CYYR1: variants seen among roughly 807,000 people sequenced by gnomAD.
The protein encoded by CYYR1 is cysteine and tyrosine-rich protein 1.
In CYYR1, 14 loss-of-function variants were observed where a neutral mutation model predicts 15.2. That is an observed-to-expected ratio of 0.92 (90% CI 0.61 to 1.44). The LOEUF is 1.44. Among genes scored for constraint, CYYR1 ranks in the 40% most tolerant of loss-of-function variants. CYYR1 has a pLI of 0.00. For synonymous variants in CYYR1, 80 were observed against 77.4 expected (o/e 1.03, Z -0.18); for missense variants, 228 against 209.5 (o/e 1.09, Z -0.54).
chr21:26,528,108 A>T (rs2065888407), intron 2 of CYYR1, among the ~76,000 whole-genome samples: 1 of 152,264 alleles, frequency 6.6e-6, no homozygotes, highest in Non-Finnish European at 1.5e-5. Context: ...TTGACAGAAT[A>T]GAAATAAAAA....
chr21:26,468,205 A>G lies in CYYR1; in HGVS notation c.*296T>C. ...TGAAACTTTCTTCACCTAGCCCTTA[A>G]ACAACATGATTATCAGATATTTTGT... On this transcript the variant is annotated 3_prime_UTR_variant, in exon 4 of 4. Coordinates refer to ENST00000652641, the MANE Select transcript of CYYR1 (RefSeq NM_001320768.2). 1 of 379,404 alleles carries G rather than the reference A, an allele frequency of 2.6e-6. No homozygotes were observed. The highest frequency in any genetic ancestry group is 5.0e-6 in the Non-Finnish European group (1 of 200,458). 23.5% of individuals were successfully genotyped at this position (379,404 alleles called of 1,614,324 possible).
intron 2 of CYYR1, among the ~76,000 whole-genome samples, chr21:26,495,320 C>G (rs2065382804): frequency 6.6e-6 from 1 of 152,146 alleles, no homozygotes; most frequent in South Asian, 2.1e-4. Context: ...TGAGTGCTAG[C>G]AGCAAGCTTG....
At chr21:26,486,677 T>C (rs2065252563) in intron 2 of CYYR1, among the ~76,000 whole-genome samples, 1 of 152,054 alleles carries the variant, frequency 6.6e-6, no homozygotes. Flanking sequence ...AATGTATCTA[T>C]GGTGGCTGAA....
chr21:26,520,137 T>TATATATATATATATATATACATAC (rs1320265726), intron 2 of CYYR1, among the ~76,000 whole-genome samples: 1 of 129,756 alleles, frequency 7.7e-6, no homozygotes, highest in African/African-American at 2.9e-5. Flanking sequence ...TATATATATA[T>TATATATATATATATATATACATAC]ATATGCAGAA....
chr21:26,526,179 G>A (rs1449814544), intron 2 of CYYR1, among the ~76,000 whole-genome samples: 1 of 152,166 alleles, frequency 6.6e-6, no homozygotes, highest in Non-Finnish European at 1.5e-5. Flanking sequence ...CTGGAGTGGT[G>A]TCTCATGCCT....
chr21:26,551,299 A>G (rs886826307), intron 2 of CYYR1: 1 of 152,652 alleles, frequency 6.6e-6, no homozygotes, highest in African/African-American at 2.4e-5. Context: ...CATGCCTGCT[A>G]ACACAACACC....
chr21:26,479,517 A>G (rs1601729598), intron 3 of CYYR1, among the ~76,000 whole-genome samples: 4 of 152,312 alleles, frequency 2.6e-5, no homozygotes, highest in African/African-American at 7.2e-5. Context: ...AGATTGACTT[A>G]GAAAGCATTA....
At chr21:26,561,949 C>T (rs559218149) in intron 2 of CYYR1, among the ~76,000 whole-genome samples, 6 of 152,268 alleles carry the variant, frequency 3.9e-5, no homozygotes, top group African/African-American at 1.2e-4. Flanking sequence ...CTACCAACTC[C>T]GAAGAGGACT....
chr21:26,484,891 G>T (rs1361312700), intron 2 of CYYR1, among the ~76,000 whole-genome samples: 1 of 151,882 alleles, frequency 6.6e-6, no homozygotes, highest in Non-Finnish European at 1.5e-5. Flanking sequence ...TAGTTTTTTT[G>T]ATTAAATCAT....
chr21:26,542,282 TGTGTGTGC>T (rs1293977821), intron 2 of CYYR1, among the ~76,000 whole-genome samples: 22 of 80,292 alleles, frequency 2.7e-4, no homozygotes, highest in South Asian at 6.4e-4. Context: ...AGAATATGTG[TGTGTGTGC>T]GTGTGTGTGT....
intron 2 of CYYR1, among the ~76,000 whole-genome samples, chr21:26,562,652 G>A (rs779250852): frequency 1.3e-5 from 2 of 151,540 alleles, no homozygotes; most frequent in African/African-American, 2.4e-5. Context: ...CACTATTTAT[G>A]TAAATATCTA....
intron 3 of CYYR1, among the ~76,000 whole-genome samples, chr21:26,473,520 C>CTGGAAGGCT: frequency 6.6e-6 from 1 of 152,254 alleles, no homozygotes; most frequent in East Asian, 1.9e-4. Flanking sequence ...ACCTTTAATT[C>CTGGAAGGCT]TGGAAGGCTT....
intron 2 of CYYR1, among the ~76,000 whole-genome samples, chr21:26,486,670 G>A (rs1045042131): frequency 9.2e-5 from 14 of 151,782 alleles, no homozygotes; most frequent in African/African-American, 3.1e-4. Flanking sequence ...GATATTAAAT[G>A]TATCTATGGT....
chr21:26,524,545 T>C (rs973300709), intron 2 of CYYR1, among the ~76,000 whole-genome samples: 2 of 152,222 alleles, frequency 1.3e-5, no homozygotes, highest in African/African-American at 4.8e-5. Context: ...AAATAAAGGC[T>C]TAGCCTTGCT....
chr21:26,487,628 TTAAA>T (rs1328109002), intron 2 of CYYR1, among the ~76,000 whole-genome samples: 4 of 152,090 alleles, frequency 2.6e-5, no homozygotes, highest in African/African-American at 4.8e-5. Flanking sequence ...TCTCTGTTGC[TTAAA>T]TAAATACAGA....
intron 2 of CYYR1, among the ~76,000 whole-genome samples, chr21:26,559,606 T>C (rs1436012477): frequency 1.3e-5 from 2 of 152,194 alleles, no homozygotes; most frequent in Non-Finnish European, 2.9e-5. Context: ...TGTTTTTACA[T>C]ATTTAGTCTG....
chr21:26,492,625 A>T (rs1214367307), intron 2 of CYYR1, among the ~76,000 whole-genome samples: 1 of 152,186 alleles, frequency 6.6e-6, no homozygotes, highest in African/African-American at 2.4e-5. Context: ...TATAAGTGGT[A>T]CCACAAAGTC....
chr21:26,530,322 T>C (rs2065915660), intron 2 of CYYR1, among the ~76,000 whole-genome samples: 2 of 152,090 alleles, frequency 1.3e-5, no homozygotes, highest in South Asian at 4.1e-4. Context: ...AAGTATAATA[T>C]AAATAACTAT....
chr21:26,566,150 A>G, intron 2 of CYYR1, 116 bp downstream of exon 2: 1 of 706,152 alleles, frequency 1.4e-6, no homozygotes, highest in Non-Finnish European at 2.4e-6. Context: ...TTTCATGTCA[A>G]TAACCAATCT....
Sources: gnomAD v4.1 joint callset for allele counts (sites outside exome capture counted in the v4.1 genomes callset) on GRCh38, gnomAD v4.1.1 for gene constraint, MANE v1.5 for transcripts, NCBI Gene and HGNC (gene_info 2026-07-23, HGNC 2026-07-21) for gene names.